The following MAD1L1 variants were observed in gnomAD, a reference collection of about 807,000 sequenced individuals.
MAD1L1 encodes mitotic arrest deficient 1 like 1, also known as mitotic spindle assembly checkpoint protein MAD1.
A neutral mutation model predicts 96.9 loss-of-function variants in MAD1L1; 95 were observed. The ratio of observed to expected loss-of-function variants is 0.98; its 90% CI spans 0.83 to 1.16. MAD1L1 has a LOEUF of 1.16. Ranked by LOEUF, MAD1L1 falls within the 50% of genes most tolerant of loss-of-function variation. MAD1L1 has a pLI of 0.00. For missense variants in MAD1L1, 1,007 were observed against 954.4 expected, an observed-to-expected ratio of 1.06 and a Z score of -0.73; for synonymous variants, 473 against 396.6, an observed-to-expected ratio of 1.19 and a Z score of -2.29.
intron 11 of MAD1L1, among the ~76,000 whole-genome samples, chr7:2,135,195 G>A (rs1470423797): frequency 6.6e-6 from 1 of 152,236 alleles, no homozygotes; most frequent in African/African-American, 2.4e-5. Flanking sequence ...GAACCTGTGT[G>A]TGGGGCCCTC....
At chr7:1,919,619 T>C (rs11976042) in intron 17 of MAD1L1, among the ~76,000 whole-genome samples, 1 of 152,196 alleles carries the variant, frequency 6.6e-6, no homozygotes. Context: ...ATCGTCGCCA[T>C]CACCATCATG....
In MAD1L1 at chr7:2,103,194, C is replaced by T. The variant is rs1002863301; in HGVS notation, c.1074-33856G>A. Among the ~76,000 whole-genome samples the T allele has an allele frequency of 3.9e-5, 6 of 152,156 alleles. No homozygotes were observed. Among genetic ancestry groups the T allele is most frequent in the African/African-American group, 1.2e-4 (5 of 41,428 alleles). On this transcript the variant is annotated intron_variant, in intron 11 of 18. Coordinates refer to ENST00000265854, the MANE Select transcript of MAD1L1 (RefSeq NM_001013836.2). This position sits in a 1 kb window ranked among gnomAD's most constrained non-coding sequence, Gnocchi z 4.3. ...CCCTACAAAGGGGCAGCTCCGACCA[C>T]GCTTCAGCTCTCAGCCCACATGGTG...
At chr7:1,922,680 C>T (rs565499430) in intron 17 of MAD1L1, among the ~76,000 whole-genome samples, 4 of 152,332 alleles carry the variant, frequency 2.6e-5, no homozygotes, top group Middle Eastern at 3.4e-3. Flanking sequence ...TGGACCAAGG[C>T]GGTGAGAGGG....
In MAD1L1 at chr7:1,928,687, G is replaced by A. The variant is rs866556995; in HGVS notation, c.1807+8000C>T. ...AACCGCTCAGCTGTCGGCATTGCAC[G>A]GTGTTTGTACTGAGCAAACAGAGGC... On this transcript the variant is annotated intron_variant, in intron 17 of 18. Coordinates refer to ENST00000265854, the MANE Select transcript of MAD1L1 (RefSeq NM_001013836.2). 5.9e-5 allele frequency among the ~76,000 whole-genome samples: 9 copies of A among 152,370 alleles called. No homozygotes were observed. The South Asian group carries it at 6.2e-4, about 11-fold the overall frequency.
intron 13 of MAD1L1, among the ~76,000 whole-genome samples, chr7:2,010,712 G>C (rs923337883): frequency 2.6e-5 from 4 of 152,230 alleles, no homozygotes; most frequent in African/African-American, 9.6e-5. Context: ...TAACGGGTGG[G>C]TGGAAGGGAA....
intron 15 of MAD1L1, among the ~76,000 whole-genome samples, chr7:1,958,816 A>G (rs1246638408): frequency 1.3e-5 from 2 of 152,266 alleles, no homozygotes; most frequent in African/African-American, 4.8e-5. Context: ...GGAAAAATGC[A>G]ACAGTTCAGA....
intron 11 of MAD1L1, among the ~76,000 whole-genome samples, chr7:2,092,868 G>C (rs1419985861): frequency 2.0e-5 from 3 of 152,052 alleles, no homozygotes; most frequent in Admixed American, 6.6e-5. Flanking sequence ...TCCAACCCCA[G>C]GGCACACAGA....
intron 12 of MAD1L1, among the ~76,000 whole-genome samples, chr7:2,040,811 T>C (rs1783640457): frequency 6.6e-6 from 1 of 152,214 alleles, no homozygotes; most frequent in South Asian, 2.1e-4. Context: ...GGACTCTTCA[T>C]TATACTTAAC....
chr7:2,106,971 G>C (rs553365733), intron 11 of MAD1L1, among the ~76,000 whole-genome samples: 5 of 152,214 alleles, frequency 3.3e-5, no homozygotes, highest in Admixed American at 3.3e-4. Context: ...AGTCTAGTGT[G>C]AAAGAGCCAG....
chr7:2,213,218 C>T lies in MAD1L1; in HGVS notation c.980G>A (p.Ser327Asn), dbSNP rs1235058927. The change falls in exon 10 of 19, where the codon AGC (serine) becomes AAC (asparagine). Residue 327 changes from serine to asparagine, a missense_variant. Coordinates refer to ENST00000265854, the MANE Select transcript of MAD1L1 (RefSeq NM_001013836.2). ...GACACCTGCCCTTCCCTACCTGATG[C>T]TCAGGCCCATGGTCTGGTCCAGTCT... is the stretch of plus-strand genomic sequence containing the variant. ...WERLDQTMGL[S>N]IRTPEDLSRF... 6.2e-7 allele frequency: 1 copy of T among 1,614,190 alleles called. No individual in the cohort carries two copies. The highest frequency in any genetic ancestry group is 2.2e-5 in the East Asian group (1 of 44,886).
At chr7:2,170,649 A>G in intron 10 of MAD1L1, among the ~76,000 whole-genome samples, 1 of 152,178 alleles carries the variant, frequency 6.6e-6, no homozygotes, top group East Asian at 1.9e-4. Flanking sequence ...TGGAGTGAAG[A>G]ATAGTTGCAA....
intron 12 of MAD1L1, among the ~76,000 whole-genome samples, chr7:2,048,270 C>G (rs546010919): frequency 6.6e-6 from 1 of 152,318 alleles, no homozygotes; most frequent in East Asian, 1.9e-4. Context: ...TAGAGGGACT[C>G]GGAGAATGAG....
chr7:1,966,727 G>T (rs753377009), intron 15 of MAD1L1, among the ~76,000 whole-genome samples: 6 of 152,240 alleles, frequency 3.9e-5, no homozygotes, highest in Non-Finnish European at 8.8e-5. Context: ...TGACCTCAAA[G>T]GGAACAGCGA....
intron 11 of MAD1L1, among the ~76,000 whole-genome samples, chr7:2,141,173 T>C (rs1789011506): frequency 6.6e-6 from 1 of 152,166 alleles, no homozygotes; most frequent in Non-Finnish European, 1.5e-5. Flanking sequence ...GGGAACAGGT[T>C]CAGACACCCA....
intron 10 of MAD1L1, among the ~76,000 whole-genome samples, chr7:2,198,091 T>G (rs1792088006): frequency 6.6e-6 from 1 of 151,924 alleles, no homozygotes; most frequent in African/African-American, 2.4e-5. Context: ...GGGTTTTTTT[T>G]TTTTTTTTTG....
chr7:1,923,424 C>T (rs986071605), intron 17 of MAD1L1, among the ~76,000 whole-genome samples: 5 of 152,194 alleles, frequency 3.3e-5, no homozygotes, highest in Non-Finnish European at 5.9e-5. Context: ...CCCTGACACC[C>T]AGGCAATCCT....
intron 11 of MAD1L1, among the ~76,000 whole-genome samples, chr7:2,127,056 G>A (rs1046065758): frequency 8.5e-5 from 13 of 152,168 alleles, no homozygotes; most frequent in Non-Finnish European, 1.3e-4. Context: ...GAGCAGACGC[G>A]GGTGGGATGA....
At chr7:2,085,167 G>A (rs1384542628) in intron 11 of MAD1L1, among the ~76,000 whole-genome samples, 2 of 152,154 alleles carry the variant, frequency 1.3e-5, no homozygotes, top group Non-Finnish European at 2.9e-5. Flanking sequence ...TCTCAGAACC[G>A]TAACTCCACG....
intron 12 of MAD1L1, among the ~76,000 whole-genome samples, chr7:2,024,030 A>C (rs1363222571): frequency 2.0e-5 from 3 of 151,646 alleles, no homozygotes; most frequent in Non-Finnish European, 2.9e-5. Context: ...TGAAAACAGG[A>C]ACTCCATAGA....
Sources: allele counts gnomAD v4.1 joint callset (sites outside exome capture counted in the v4.1 genomes callset), GRCh38; gene constraint gnomAD v4.1.1; non-coding constraint Gnocchi (gnomAD v3.1); transcripts MANE v1.5; gene names NCBI Gene and HGNC (gene_info 2026-07-23, HGNC 2026-07-21).